Variants in GPHN observed in about 807,000 individuals in gnomAD.
The protein encoded by GPHN is gephyrin.
In GPHN, 17 loss-of-function variants were observed where a neutral mutation model predicts 95.5. That is an observed-to-expected ratio of 0.18 (90% confidence interval 0.12 to 0.27). GPHN has a LOEUF of 0.27. Among genes scored for constraint, GPHN ranks in the 10% least tolerant of loss-of-function variants. GPHN has a pLI of 1.00. For synonymous variants in GPHN, 320 were observed against 322.5 expected (o/e 0.99, Z 0.08); for missense variants, 660 against 978.1 (o/e 0.67, Z 4.34).
intron 4 of GPHN, among the ~76,000 whole-genome samples, chr14:66,830,151 G>T (rs1310286466): frequency 6.6e-6 from 1 of 152,060 alleles, no homozygotes; most frequent in Non-Finnish European, 1.5e-5. Context: ...AAAAAAGTTT[G>T]TCCACCCATG....
chr14:67,722,482 G>A, the GPHN span: 6 of 753,548 alleles, frequency 8.0e-6, 1 homozygote, highest in African/African-American at 1.7e-5. Context: ...AGGATTCTGG[G>A]CTCTGCTCAG....
intron 4 of GPHN, among the ~76,000 whole-genome samples, chr14:66,850,684 C>T (rs1441414018): frequency 6.6e-6 from 1 of 152,090 alleles, no homozygotes; most frequent in African/African-American, 2.4e-5. Flanking sequence ...GTGCATGGGA[C>T]AGTCCCGGCA....
chr14:67,274,159 G>A, the GPHN span, among the ~76,000 whole-genome samples: 1,468 of 152,262 alleles, frequency 9.6e-3, 12 homozygotes, highest in Non-Finnish European at 0.014. Context: ...GGGTTTTGTT[G>A]CCATTGCTTT....
intron 1 of GPHN, among the ~76,000 whole-genome samples, chr14:66,657,607 T>A (rs991275854): frequency 1.3e-5 from 2 of 152,220 alleles, no homozygotes; most frequent in Non-Finnish European, 2.9e-5. Context: ...TACCATTTTG[T>A]AAATCATAGG....
intron 10 of GPHN, among the ~76,000 whole-genome samples, chr14:67,028,406 A>G (rs1452368044): frequency 6.6e-6 from 1 of 152,126 alleles, no homozygotes; most frequent in Non-Finnish European, 1.5e-5. Flanking sequence ...GCTGAGTTAT[A>G]TGGTAGTTCT....
intron 1 of GPHN, among the ~76,000 whole-genome samples, chr14:66,679,284 A>G (rs546941780): frequency 3.2e-4 from 49 of 152,278 alleles, no homozygotes; most frequent in African/African-American, 1.1e-3. Flanking sequence ...TCTGGATTTG[A>G]TAGTTTCTGT....
chr14:66,651,052 AC>A (rs1276599459), intron 1 of GPHN, among the ~76,000 whole-genome samples: 1 of 152,222 alleles, frequency 6.6e-6, no homozygotes, highest in African/African-American at 2.4e-5. Context: ...GACACAGAGC[AC>A]ACACATCTTC....
At chr14:67,681,233 A>G in the GPHN span, among the ~76,000 whole-genome samples, 1 of 152,248 alleles carries the variant, frequency 6.6e-6, no homozygotes, top group Non-Finnish European at 1.5e-5. Flanking sequence ...GAAGTCAGGA[A>G]GGCAGGCCTC....
At chr14:66,665,234 G>A (rs2065884089) in intron 1 of GPHN, among the ~76,000 whole-genome samples, 1 of 152,092 alleles carries the variant, frequency 6.6e-6, no homozygotes. Context: ...AAAATCCTCT[G>A]CAAAATTCTA....
intron 9 of GPHN, among the ~76,000 whole-genome samples, chr14:66,999,870 A>G (rs951175026): frequency 2.6e-5 from 4 of 151,838 alleles, no homozygotes; most frequent in Admixed American, 2.6e-4. Flanking sequence ...TGAATTTATT[A>G]TAATTTGTAA....
intron 2 of GPHN, chr14:66,709,599 T>G: frequency 3.1e-6 from 1 of 323,612 alleles, no homozygotes; most frequent in Non-Finnish European, 6.3e-6. Context: ...AACCTAAGTA[T>G]TATTTATGTC....
chr14:67,327,447 C>T, the GPHN span, among the ~76,000 whole-genome samples: 1,040 of 150,092 alleles, frequency 6.9e-3, 18 homozygotes, highest in African/African-American at 0.024. Context: ...TTTTTTTTTT[C>T]CGGGGTGTGG....
At chr14:67,307,211 T>G in the GPHN span, among the ~76,000 whole-genome samples, 1 of 152,318 alleles carries the variant, frequency 6.6e-6, no homozygotes, top group South Asian at 2.1e-4. Context: ...AATGCATACA[T>G]TATTCAAACG....
the GPHN span, chr14:67,447,522 C>T: frequency 6.6e-6 from 1 of 152,124 alleles, no homozygotes; most frequent in African/African-American, 2.4e-5. Context: ...ATAGGTAGGT[C>T]TCTTTTAGAT....
At chr14:67,600,477 C>G in the GPHN span, among the ~76,000 whole-genome samples, 1 of 152,194 alleles carries the variant, frequency 6.6e-6, no homozygotes. Flanking sequence ...TGACTCAGGC[C>G]TGTAGTCCAG....
rs1434858281 is a variant in GPHN at position 67,181,580 on chromosome 14, G to C, written c.*643G>C. On this transcript the variant is annotated 3_prime_UTR_variant, in exon 23 of 23. Coordinates refer to ENST00000478722, the MANE Select transcript of GPHN (RefSeq NM_020806.5). ...TGAAGAAACAAACTGAAGAAAAAAT[G>C]CTTCCTTAAGTGCTGACAGCCTTTT... The C allele has an allele frequency of 2.3e-6, 1 of 440,936 alleles. No homozygotes were observed. Among genetic ancestry groups the C allele is most frequent in the African/African-American group, 2.1e-5 (1 of 48,764 alleles). The allele number at this position is 440,936 out of a possible 1,614,324, so 27.3% of individuals were successfully genotyped here.
chr14:66,983,965 G>A lies in GPHN; in HGVS notation c.963+18640G>A, dbSNP rs571560111. 1.8e-4 allele frequency among the ~76,000 whole-genome samples: 28 copies of A among 152,182 alleles called. No homozygotes were observed. The South Asian group carries it at 2.5e-3, about 14-fold the overall frequency. ...CTAGAAATTAGGGACTGTTGATTTCGTTCTTAGATTTGTCATCAACTTCCA... is the reference window on the plus strand; with the variant it reads ...CTAGAAATTAGGGACTGTTGATTTCATTCTTAGATTTGTCATCAACTTCCA... On this transcript the variant is annotated intron_variant, in intron 9 of 22. Transcript: ENST00000478722.
chr14:67,470,907 G>C, the GPHN span: 1 of 152,288 alleles, frequency 6.6e-6, no homozygotes, highest in South Asian at 2.1e-4. Flanking sequence ...TGGCAGGGCT[G>C]GGATTATTCC....
At chr14:67,360,109 T>C in the GPHN span, 2 of 422,386 alleles carry the variant, frequency 4.7e-6, no homozygotes. Flanking sequence ...GCTGAAACTT[T>C]GAAAGAGGAT....
Sources: gnomAD v4.1 joint callset for allele counts (sites outside exome capture counted in the v4.1 genomes callset) on GRCh38, gnomAD v4.1.1 for gene constraint, MANE v1.5 for transcripts, NCBI Gene and HGNC (gene_info 2026-07-23, HGNC 2026-07-21) for gene names.